Variants in PKD1L3 observed in about 807,000 individuals in gnomAD.
PKD1L3 encodes polycystin 1 like 3, transient receptor potential channel interacting, also known as polycystin-1-like protein 3.
PKD1L3 carries 239 observed loss-of-function variants against 184.1 expected under a neutral mutation model. That is an observed-to-expected ratio of 1.30 (90% CI 1.17 to 1.45). The LOEUF is 1.45. Ranked by LOEUF, PKD1L3 falls within the 40% of genes most tolerant of loss-of-function variation. The probability of loss-of-function intolerance (pLI) is 0.00; values close to 1 mark genes in which losing one functional copy is unlikely to be tolerated. For synonymous variants in PKD1L3, 996 were observed against 778.8 expected (o/e 1.28, Z -4.64); for missense variants, 2,660 against 2,067.2 (o/e 1.29, Z -5.56).
chr16:71,993,475 A>G, intron 2 of PKD1L3, 143 bp from the exon 3 acceptor site: 1 of 587,272 alleles, frequency 1.7e-6, no homozygotes, highest in Non-Finnish European at 2.9e-6. Flanking sequence ...GACACTAAGA[A>G]TTCTGCAGTA....
intron 12 of PKD1L3, among the ~76,000 whole-genome samples, 197 bp from the exon 13 acceptor site, chr16:71,970,302 CTT>C (rs973588584): frequency 7.2e-5 from 11 of 152,134 alleles, no homozygotes; most frequent in African/African-American, 1.4e-4. Context: ...AGAACAAACT[CTT>C]TGAATCCTGC....
At chr16:71,998,093 C>T (rs562360928) in intron 2 of PKD1L3, among the ~76,000 whole-genome samples, 179 bp downstream of exon 2, 2 of 152,310 alleles carry the variant, frequency 1.3e-5, no homozygotes, top group African/African-American at 4.8e-5. Context: ...GGGATGGATC[C>T]AAGGAAGTCA....
Position 71,978,316 on chromosome 16 carries a change from C to T in PKD1L3, c.1466G>A (p.Ser489Asn), listed in dbSNP as rs149821120. 5.8e-6 allele frequency: 9 copies of T among 1,550,744 alleles called. No individual in the cohort carries two copies. In the South Asian group the frequency reaches 1.1e-4, roughly 18 times the overall value. Residue 489 changes from serine (S) to asparagine (N), a missense_variant, in exon 10 of 30, where the codon AGT (serine) becomes AAT (asparagine). Ser to Asn is a conservative substitution (Grantham distance 46). Coordinates refer to ENST00000620267, the MANE Select transcript of PKD1L3 (RefSeq NM_181536.2). ...TTTACGATTAGCGCTTAGTAACACACTTCCAATGCTTCCAACAATGTTTCT... is the reference window on the plus strand; with the variant it reads ...TTTACGATTAGCGCTTAGTAACACATTTCCAATGCTTCCAACAATGTTTCT... ...DNRNIVGSIG[S>N]VLLSANRKLL... is the part of the protein sequence containing the mutation.
rs371044810 is a variant in PKD1L3 at position 71,986,412 on chromosome 16, A to T, written c.643T>A (p.Ser215Thr). The T allele has an allele frequency of 6.4e-7, 1 of 1,551,828 alleles. No individual in the cohort carries two copies. The highest frequency in any genetic ancestry group is 8.7e-7 in the Non-Finnish European group (1 of 1,146,968). ...QFPSVLSSIT[S>T]QVTSAASEPS... The stretch of plus-strand genomic sequence containing the variant: ...TCAGATGCGGCTGATGTTACCTGTG[A>T]TGTGATACTTGATAGTACTGAAGGA... Residue 215 changes from serine to threonine, a missense_variant, in exon 5 of 30, where the codon TCA becomes ACA. Coordinates refer to ENST00000620267, the MANE Select transcript of PKD1L3 (RefSeq NM_181536.2).
chr16:71,959,537 T>C (rs2039189607), intron 16 of PKD1L3, among the ~76,000 whole-genome samples: 1 of 152,162 alleles, frequency 6.6e-6, no homozygotes, highest in South Asian at 2.1e-4. Flanking sequence ...TTTGTGCATC[T>C]AAAAACAAAA....
chr16:71,935,645 A>C, intron 25 of PKD1L3, 127 bp from the exon 26 acceptor site: 2 of 857,218 alleles, frequency 2.3e-6, no homozygotes, highest in Non-Finnish European at 3.5e-6. Context: ...ATCAGATCTC[A>C]CTTGGACAAA....
chr16:71,950,897 T>C (rs1567505280), intron 19 of PKD1L3, among the ~76,000 whole-genome samples: 1 of 151,224 alleles, frequency 6.6e-6, no homozygotes, highest in African/African-American at 2.4e-5. Context: ...CATGACCAGC[T>C]AATTTTTTTT....
intron 17 of PKD1L3, among the ~76,000 whole-genome samples, chr16:71,953,817 G>A (rs879929258): frequency 3.3e-5 from 5 of 152,214 alleles, no homozygotes; most frequent in Non-Finnish European, 7.3e-5. Context: ...GGGGATTACA[G>A]TTGGACGTGA....
chr16:71,954,063 GA>G (rs1567509162), intron 17 of PKD1L3, 41 bp downstream of exon 17: 11 of 1,403,176 alleles, frequency 7.8e-6, no homozygotes, highest in Non-Finnish European at 1.0e-5. Context: ...AAAAAAAAAG[GA>G]TTGCTTACTA....
chr16:71,955,976 T>A (rs1166833739), intron 16 of PKD1L3, among the ~76,000 whole-genome samples: 4 of 152,044 alleles, frequency 2.6e-5, no homozygotes, highest in Admixed American at 2.6e-4. Flanking sequence ...CAGTCTTAGG[T>A]ACGTCTCCAT....
intron 9 of PKD1L3, among the ~76,000 whole-genome samples, chr16:71,979,269 C>G (rs898871241): frequency 2.0e-5 from 3 of 152,132 alleles, no homozygotes; most frequent in African/African-American, 7.2e-5. Context: ...AATGGCGAAA[C>G]CCCGCCTCTA....
At chr16:71,985,020 A>G (rs957961727) in intron 5 of PKD1L3, among the ~76,000 whole-genome samples, 1 of 152,148 alleles carries the variant, frequency 6.6e-6, no homozygotes, top group Non-Finnish European at 1.5e-5. Flanking sequence ...ACCCTGAGAC[A>G]ATCACCATTA....
chr16:71,962,112 TG>T (rs2039303332), intron 16 of PKD1L3, among the ~76,000 whole-genome samples: 1 of 151,968 alleles, frequency 6.6e-6, no homozygotes, highest in African/African-American at 2.4e-5. Flanking sequence ...TTGGTAGAGA[TG>T]GGGTTTTGCT....
chr16:71,981,009 C>G (rs148741584), intron 7 of PKD1L3, among the ~76,000 whole-genome samples: 3 of 152,308 alleles, frequency 2.0e-5, no homozygotes, highest in African/African-American at 7.2e-5. Context: ...CTTCTTTCAC[C>G]TGGCATAATG....
intron 25 of PKD1L3, among the ~76,000 whole-genome samples, chr16:71,936,623 G>T (rs1266787073): frequency 6.6e-6 from 1 of 151,048 alleles, no homozygotes; most frequent in Non-Finnish European, 1.5e-5. Context: ...GAGCAGCTGG[G>T]ATTACAGGCA....
intron 4 of PKD1L3, among the ~76,000 whole-genome samples, chr16:71,989,207 T>A (rs1303686603): frequency 1.3e-5 from 2 of 152,184 alleles, no homozygotes; most frequent in Non-Finnish European, 2.9e-5. Flanking sequence ...CAAGCTGGAG[T>A]GCAATGGCAC....
chr16:71,935,499 T>C lies in PKD1L3; in HGVS notation c.4472A>G (p.Gln1491Arg), dbSNP rs1319196524. The change falls in exon 26 of 30, where the codon CAG becomes CGG. Residue 1491 changes from glutamine (Q) to arginine (R), a missense_variant. By Grantham distance (43) the Gln-to-Arg change is conservative. Coordinates refer to ENST00000620267, the MANE Select transcript of PKD1L3 (RefSeq NM_181536.2). ...AFIQGCQLKQ[Q>R]KWRFFTGKRN... ...TTTCCCAGTGAAGAACCTCCACTTCTGCTGTTTCAGCTGACAACCCTAAAC... is the reference window on the plus strand; with the variant it reads ...TTTCCCAGTGAAGAACCTCCACTTCCGCTGTTTCAGCTGACAACCCTAAAC... 2.6e-5 allele frequency: 40 copies of C among 1,552,084 alleles called. No individual in the cohort carries two copies. In the Admixed American group the frequency reaches 7.8e-4, roughly 30 times the overall value.
chr16:71,946,967 G>A (rs1234881802), intron 22 of PKD1L3, among the ~76,000 whole-genome samples: 18 of 149,484 alleles, frequency 1.2e-4, no homozygotes, highest in Non-Finnish European at 2.1e-4. Flanking sequence ...GATCTAAAAT[G>A]TAGGGGAGTC....
chr16:71,946,553 G>C (rs2038610451), intron 22 of PKD1L3, among the ~76,000 whole-genome samples: 2 of 151,768 alleles, frequency 1.3e-5, no homozygotes, highest in East Asian at 2.0e-4. Context: ...GTCAGTTAGA[G>C]GGTAGGCCAG....
Sources: gnomAD v4.1 joint callset for allele counts (sites outside exome capture counted in the v4.1 genomes callset) on GRCh38, gnomAD v4.1.1 for gene constraint, MANE v1.5 for transcripts, NCBI Gene and HGNC (gene_info 2026-07-23, HGNC 2026-07-21) for gene names.